The following BSPRY variants were observed in gnomAD, a reference collection of about 807,000 sequenced individuals.
The protein encoded by BSPRY is B box and SPRY domain-containing protein.
In BSPRY, 33 loss-of-function variants were observed where a neutral mutation model predicts 38.0. That is an observed-to-expected ratio of 0.87 (90% CI 0.66 to 1.16). The LOEUF is 1.16. Ranked by LOEUF, BSPRY falls within the 50% of genes most tolerant of loss-of-function variation. The pLI is 0.00. For missense variants in BSPRY, 523 were observed against 533.2 expected, an observed-to-expected ratio of 0.98 and a Z score of 0.19; for synonymous variants, 224 against 228.5, an observed-to-expected ratio of 0.98 and a Z score of 0.18.
chr9:113,362,392 G>C lies in BSPRY; in HGVS notation c.555G>C (p.Glu185Asp), dbSNP rs1834170715. 1 of 1,614,090 alleles carries C rather than the reference G, an allele frequency of 6.2e-7. No homozygotes were observed. Among genetic ancestry groups the C allele is most frequent in the Non-Finnish European group, 8.5e-7 (1 of 1,180,006 alleles). The part of the protein sequence containing the change: ...QLIQKEQEIF[E>D]RTEEAEGILD... The stretch of plus-strand genomic sequence containing the variant: ...AGCAGAAGGAGCAAGAGATTTTCGA[G>C]AGGTGAGTATAGACCCCGTGATTTG... Residue 185 changes from glutamate to aspartate, a missense_variant and splice_region_variant, in exon 4 of 6, where the codon GAG becomes GAC. Physicochemically the swap from Glu to Asp is conservative, Grantham distance 45. Transcript: ENST00000374183.
intron 3 of BSPRY, among the ~76,000 whole-genome samples, 195 bp from the exon 4 acceptor site, chr9:113,362,174 G>GGTGT (rs10600721): frequency 0.061 from 8,660 of 141,250 alleles, 313 homozygotes; most frequent in East Asian, 0.11. Flanking sequence ...ATGTGTTATG[G>GGTGT]GTGTGTGTGT....
Position 113,370,122 on chromosome 9 carries a change from A to T in BSPRY, c.1189A>T (p.Thr397Ser), listed in dbSNP as rs1177447045. Residue 397 changes from threonine to serine, a missense_variant, in exon 6 of 6, where the codon ACC becomes TCC. Physicochemically the swap from Thr to Ser is moderately conservative, Grantham distance 58. Transcript: ENST00000374183. The surrounding 1 kb of genome is among the most constrained non-coding windows in gnomAD (Gnocchi z 4.8). ...LFPVFAVADQ[T>S]ISIVR ...CCCAGTCTTTGCTGTGGCCGATCAG[A>T]CCATTTCTATCGTCCGCTGACCTCT... The T allele has an allele frequency of 6.3e-7, 1 of 1,580,890 alleles. No homozygotes were observed. Among genetic ancestry groups the T allele is most frequent in the Non-Finnish European group, 8.6e-7 (1 of 1,163,482 alleles).
In BSPRY at chr9:113,370,314, T is replaced by A; in HGVS notation, c.*172T>A. On this transcript the variant is annotated 3_prime_UTR_variant, in exon 6 of 6. Coordinates refer to ENST00000374183, the MANE Select transcript of BSPRY (RefSeq NM_017688.3). The surrounding 1 kb of genome is among the most constrained non-coding windows in gnomAD (Gnocchi z 4.8). ...CTGTTTCAGATCTAGGCATAACCTG[T>A]AAATCACAGGTGTCCAAACTTTTGG... 1 of 721,870 alleles carries A rather than the reference T, an allele frequency of 1.4e-6. No homozygotes were observed. The highest frequency in any genetic ancestry group is 2.0e-6 in the Non-Finnish European group (1 of 495,436). 44.7% of individuals were successfully genotyped at this position (721,870 alleles called of 1,614,324 possible).
At chr9:113,366,707 G>A (rs1004332936) in intron 4 of BSPRY, among the ~76,000 whole-genome samples, 2 of 152,206 alleles carry the variant, frequency 1.3e-5, no homozygotes, top group African/African-American at 2.4e-5. Flanking sequence ...ACCTGTTGGC[G>A]GGAGCTCCTG....
At chr9:113,354,131 G>T in intron 1 of BSPRY, 109 bp from the exon 2 acceptor site, 1 of 812,092 alleles carries the variant, frequency 1.2e-6, no homozygotes, top group South Asian at 1.5e-5. Flanking sequence ...TCTGGGCTAT[G>T]ACCATGGGAG....
At chr9:113,368,166 G>C (rs1834281378) in intron 4 of BSPRY, 93 bp from the exon 5 acceptor site, 4 of 1,509,174 alleles carry the variant, frequency 2.7e-6, no homozygotes, top group South Asian at 1.2e-5. Flanking sequence ...CCTGATAGGA[G>C]ATTTTACTTC....
Position 113,360,374 on chromosome 9 carries a change from T to A in BSPRY, c.301-133T>A, listed in dbSNP as rs914926769. 8 of 820,250 alleles carry A rather than the reference T, an allele frequency of 9.8e-6. No homozygotes were observed. The Middle Eastern group carries it at 2.2e-3, about 224-fold the overall frequency. 50.8% of individuals were successfully genotyped at this position (820,250 alleles called of 1,614,324 possible). ...TCAAAGTAAAAGGCTTACATGCTATTATTTCCATTACTAAGCCCGTGGCAG... is the reference window on the plus strand; with the variant it reads ...TCAAAGTAAAAGGCTTACATGCTATAATTTCCATTACTAAGCCCGTGGCAG... On this transcript the variant is annotated intron_variant, in intron 2 of 5. Coordinates refer to ENST00000374183, the MANE Select transcript of BSPRY (RefSeq NM_017688.3).
intron 1 of BSPRY, among the ~76,000 whole-genome samples, chr9:113,351,742 C>G (rs1421787569): frequency 1.3e-5 from 2 of 152,068 alleles, no homozygotes; most frequent in Non-Finnish European, 2.9e-5. Context: ...GGGGAAGTCA[C>G]TTCTCTTTGG....
In BSPRY at chr9:113,369,692, C is replaced by T. The variant is rs1834309131; in HGVS notation, c.759C>T (p.Thr253=). 1.2e-6 allele frequency: 2 copies of T among 1,614,218 alleles called. No homozygotes were observed. Among genetic ancestry groups the T allele is most frequent in the Non-Finnish European group, 1.7e-6 (2 of 1,180,034 alleles). ...TGTCAGATGATCGAAAGACCCTGAC[C>T]TTCAGCACCAAGAAGTCAAAGGCCT... ...LQLSDDRKTL[T]FSTKKSKACA... The change falls in exon 6 of 6, where the codon ACC becomes ACT. Residue 253 remains threonine (T), a synonymous_variant. Coordinates refer to ENST00000374183, the MANE Select transcript of BSPRY (RefSeq NM_017688.3).
At chr9:113,357,914 A>G (rs1432925054) in intron 2 of BSPRY, among the ~76,000 whole-genome samples, 3,465 of 34,410 alleles carry the variant, frequency 0.1, 325 homozygotes, top group African/African-American at 0.22. Flanking sequence ...ATATATATAT[A>G]TATATATATA....
At chr9:113,351,845 C>T (rs1192886487) in intron 1 of BSPRY, among the ~76,000 whole-genome samples, 1 of 152,090 alleles carries the variant, frequency 6.6e-6, no homozygotes, top group African/African-American at 2.4e-5. Context: ...CTCTGTCACC[C>T]AGGCTGGAGT....
intron 4 of BSPRY, among the ~76,000 whole-genome samples, chr9:113,365,460 A>G (rs1834232258): frequency 6.6e-6 from 1 of 152,214 alleles, no homozygotes; most frequent in Non-Finnish European, 1.5e-5. Flanking sequence ...AAGCCCTTTC[A>G]AGCTGGACCC....
At chr9:113,360,398 A>G in intron 2 of BSPRY, 109 bp from the exon 3 acceptor site, 1 of 1,007,172 alleles carries the variant, frequency 9.9e-7, no homozygotes, top group Non-Finnish European at 1.5e-6. Flanking sequence ...AGCCCGTGGC[A>G]GACATTGCTA....
intron 1 of BSPRY, among the ~76,000 whole-genome samples, chr9:113,350,779 G>A (rs1331494697): frequency 6.6e-6 from 1 of 152,112 alleles, no homozygotes. Context: ...CTCCTGGTTC[G>A]TCCTACCTGT....
intron 4 of BSPRY, among the ~76,000 whole-genome samples, chr9:113,366,210 C>T (rs926408177): frequency 6.6e-6 from 1 of 152,164 alleles, no homozygotes; most frequent in African/African-American, 2.4e-5. Flanking sequence ...ACTCCAGCCC[C>T]CAACAACATC....
chr9:113,368,493 A>G (rs1321188683), intron 5 of BSPRY, 110 bp downstream of exon 5: 2 of 1,422,918 alleles, frequency 1.4e-6, no homozygotes, highest in African/African-American at 1.4e-5. Flanking sequence ...ATGATAGCTT[A>G]AACAAGTCAT....
At chr9:113,362,702 GT>G (rs1393253883) in intron 4 of BSPRY, among the ~76,000 whole-genome samples, 1 of 152,242 alleles carries the variant, frequency 6.6e-6, no homozygotes, top group Non-Finnish European at 1.5e-5. Context: ...AGATGAAAAT[GT>G]TGAGATTCTA....
chr9:113,360,936 A>G (rs1407469390), intron 3 of BSPRY, among the ~76,000 whole-genome samples, 199 bp downstream of exon 3: 2 of 152,158 alleles, frequency 1.3e-5, no homozygotes, highest in Non-Finnish European at 2.9e-5. Flanking sequence ...TTCATTATAA[A>G]ATCCAGTTTT....
rs192279079 is a variant in BSPRY, at chr9:113,368,391, G to A, written c.682+8G>A. ...TTCTTGGGTCTCTCTCAGGTTAGGA[G>A]CAGTAGAGCCCAGGACCATTAGGAC... On this transcript the variant is annotated splice_region_variant and intron_variant, in intron 5 of 5. Transcript: ENST00000374183. The A allele has an allele frequency of 1.4e-5, 23 of 1,614,016 alleles. No individual in the cohort carries two copies. In the African/African-American group the frequency reaches 1.9e-4, roughly 13 times the overall value.
Sources: allele counts gnomAD v4.1 joint callset (sites outside exome capture counted in the v4.1 genomes callset), GRCh38; gene constraint gnomAD v4.1.1; non-coding constraint Gnocchi (gnomAD v3.1); transcripts MANE v1.5; gene names NCBI Gene and HGNC (gene_info 2026-07-23, HGNC 2026-07-21).